The following TFEC variants were observed in gnomAD, a reference collection of about 807,000 sequenced individuals.
TFEC encodes the protein transcription factor EC.
In TFEC, 31 loss-of-function variants were observed where a neutral mutation model predicts 41.6. The ratio of observed to expected loss-of-function variants is 0.74; its 90% CI spans 0.56 to 1.01. The LOEUF is 1.01. TFEC is among the 50% of genes least tolerant of loss of function. The pLI is 0.00. For synonymous variants in TFEC, 143 were observed against 140.6 expected (o/e 1.02, Z -0.12); for missense variants, 402 against 404.1 (o/e 0.99, Z 0.04).
rs573612031 is a variant in TFEC, at chr7:115,969,857, A to C, written c.267+4313T>G. 1.4e-4 allele frequency among the ~76,000 whole-genome samples: 21 copies of C among 152,078 alleles called. No homozygotes were observed. In the East Asian group the frequency reaches 2.7e-3, roughly 20 times the overall value. On this transcript the variant is annotated intron_variant, in intron 3 of 7. Coordinates refer to ENST00000265440, the MANE Select transcript of TFEC (RefSeq NM_012252.4). ...CTGGAAATCTTGGATGTAGATTACAAAAACATATTGATAGATGTGAGTATG... is the reference window on the plus strand; with the variant it reads ...CTGGAAATCTTGGATGTAGATTACACAAACATATTGATAGATGTGAGTATG...
At chr7:116,099,444 G>A (rs1490038630) in intron 3 of TFEC, among the ~76,000 whole-genome samples, 3 of 152,092 alleles carry the variant, frequency 2.0e-5, no homozygotes, top group Non-Finnish European at 4.4e-5. Flanking sequence ...CTTCTCCCAC[G>A]GCGACTCTAG....
upstream of TFEC, among the ~76,000 whole-genome samples, chr7:116,031,063 A>G (rs1443202440): frequency 1.3e-5 from 2 of 152,138 alleles, no homozygotes; most frequent in African/African-American, 4.8e-5. Flanking sequence ...TGTTATCATA[A>G]TGGACTGAGA....
At chr7:116,047,669 G>C (rs541188064) in intron 3 of TFEC, among the ~76,000 whole-genome samples, 5 of 152,302 alleles carry the variant, frequency 3.3e-5, no homozygotes, top group African/African-American at 1.2e-4. Flanking sequence ...TCCCAGCACA[G>C]AGTTTGAGAT....
intron 1 of TFEC, among the ~76,000 whole-genome samples, chr7:116,012,895 T>C (rs1795055588): frequency 6.6e-6 from 1 of 151,506 alleles, no homozygotes; most frequent in African/African-American, 2.4e-5. Context: ...AAACTTTTTA[T>C]ATCCTTATTT....
intron 1 of TFEC, among the ~76,000 whole-genome samples, chr7:116,122,116 G>T (rs888604122): frequency 3.9e-5 from 6 of 151,998 alleles, no homozygotes; most frequent in Non-Finnish European, 8.8e-5. Context: ...AATTGCAAGG[G>T]TTTATTAAAG....
At chr7:116,133,819 C>T (rs57047817) in intron 1 of TFEC, among the ~76,000 whole-genome samples, 1 of 151,962 alleles carries the variant, frequency 6.6e-6, no homozygotes, top group Non-Finnish European at 1.5e-5. Flanking sequence ...TTTTAGATGC[C>T]TAAGACATCT....
rs368228350 is a variant in TFEC, at chr7:116,024,077, G to T, written c.-73+6556C>A. ...TCACTGGTTATCCATCTACTGCTTC[G>T]ACATTAATGAGTCCCTTCACTTTGC... On this transcript the variant is annotated intron_variant, in intron 1 of 7. Transcript: ENST00000265440. Among the ~76,000 whole-genome samples the T allele has an allele frequency of 1.4e-4, 21 of 152,128 alleles. No homozygotes were observed. The East Asian group carries it at 1.7e-3, about 13-fold the overall frequency.
At chr7:115,995,890 AG>A (rs1429149791) in intron 1 of TFEC, among the ~76,000 whole-genome samples, 6 of 152,214 alleles carry the variant, frequency 3.9e-5, no homozygotes, top group African/African-American at 7.2e-5. Flanking sequence ...CATTTAGACC[AG>A]CCCTACCCGG....
At chr7:115,985,168 C>G (rs150059446) in intron 1 of TFEC, among the ~76,000 whole-genome samples, 1 of 152,142 alleles carries the variant, frequency 6.6e-6, no homozygotes, top group African/African-American at 2.4e-5. Context: ...TATGACTTGA[C>G]AGGAGCATTC....
chr7:116,017,973 C>CCAGTGTTGTGCA (rs1233143666), intron 1 of TFEC, among the ~76,000 whole-genome samples: 3 of 89,870 alleles, frequency 3.3e-5, no homozygotes, highest in Non-Finnish European at 8.1e-5. Context: ...TATTGGACAT[C>CCAGTGTTGTGCA]CAGTGTTGGG....
intron 1 of TFEC, among the ~76,000 whole-genome samples, chr7:116,016,889 C>A (rs186897916): frequency 6.6e-6 from 1 of 152,094 alleles, no homozygotes; most frequent in Non-Finnish European, 1.5e-5. Context: ...ATGTCCCAAG[C>A]ACTTATTATT....
intron 3 of TFEC, among the ~76,000 whole-genome samples, chr7:116,046,450 C>T (rs889875240): frequency 6.6e-6 from 1 of 152,122 alleles, no homozygotes; most frequent in Non-Finnish European, 1.5e-5. Flanking sequence ...CATTTTATCT[C>T]TTGCTGCGTT....
At chr7:116,017,881 A>G (rs978972399) in intron 1 of TFEC, among the ~76,000 whole-genome samples, 1 of 152,128 alleles carries the variant, frequency 6.6e-6, no homozygotes, top group African/African-American at 2.4e-5. Context: ...GTAATTAGTT[A>G]TTCATTTTTT....
intron 6 of TFEC, 129 bp from the exon 7 acceptor site, chr7:115,942,169 C>T (rs1793541406): frequency 1.1e-6 from 1 of 928,466 alleles, no homozygotes; most frequent in Non-Finnish European, 1.5e-6. Flanking sequence ...GATATTATTG[C>T]TTCTGAATAG....
chr7:116,137,546 G>A (rs1309422328), intron 1 of TFEC, among the ~76,000 whole-genome samples: 2 of 152,098 alleles, frequency 1.3e-5, no homozygotes, highest in African/African-American at 4.8e-5. Flanking sequence ...TATGAATTGG[G>A]TTTAAGGATT....
At chr7:116,067,664 A>G (rs1466868271) in intron 3 of TFEC, among the ~76,000 whole-genome samples, 2 of 151,952 alleles carry the variant, frequency 1.3e-5, no homozygotes, top group Non-Finnish European at 2.9e-5. Flanking sequence ...TTTAGTAAAT[A>G]TTTATTGAGA....
At chr7:116,009,588 A>G (rs1178095702) in intron 1 of TFEC, among the ~76,000 whole-genome samples, 1 of 152,094 alleles carries the variant, frequency 6.6e-6, no homozygotes, top group East Asian at 1.9e-4. Context: ...GGGGAGATAA[A>G]TATTTAAACA....
chr7:116,132,804 C>G (rs1311847771), intron 1 of TFEC, among the ~76,000 whole-genome samples: 1 of 152,170 alleles, frequency 6.6e-6, no homozygotes, highest in East Asian at 1.9e-4. Flanking sequence ...TATTAGTTAG[C>G]TGGAAAAAAG....
At chr7:116,085,399 T>A (rs1003884331) in intron 3 of TFEC, among the ~76,000 whole-genome samples, 1 of 151,860 alleles carries the variant, frequency 6.6e-6, no homozygotes, top group South Asian at 2.1e-4. Flanking sequence ...ATCCCATAAA[T>A]CTTATCATCT....
Sources: allele counts gnomAD v4.1 joint callset (sites outside exome capture counted in the v4.1 genomes callset), GRCh38; gene constraint gnomAD v4.1.1; transcripts MANE v1.5; gene names NCBI Gene and HGNC (gene_info 2026-07-23, HGNC 2026-07-21).